Variants in KHDRBS2 observed in about 807,000 individuals in gnomAD.
KHDRBS2 encodes the protein KH RNA binding domain containing, signal transduction associated 2.
In KHDRBS2, 26 loss-of-function variants were observed where a neutral mutation model predicts 44.3. The ratio of observed to expected loss-of-function variants is 0.59; its 90% CI spans 0.43 to 0.81. The LOEUF (loss-of-function observed/expected upper bound fraction) is 0.81, where lower values mean the gene tolerates loss of function less well. Among genes scored for constraint, KHDRBS2 ranks in the 40% least tolerant of loss-of-function variants. The pLI is 0.00. For missense variants in KHDRBS2, 476 were observed against 433.1 expected, an observed-to-expected ratio of 1.10 and a Z score of -0.88; for synonymous variants, 194 against 151.1, an observed-to-expected ratio of 1.28 and a Z score of -2.08.
chr6:61,708,351 A>G (rs1180479854), intron 7 of KHDRBS2, among the ~76,000 whole-genome samples: 1 of 151,636 alleles, frequency 6.6e-6, no homozygotes, highest in African/African-American at 2.4e-5. Flanking sequence ...CATTTTGTGT[A>G]CTAAAAAATA....
the KHDRBS2 span, among the ~76,000 whole-genome samples, chr6:61,604,020 G>A: frequency 1.1e-4 from 17 of 152,248 alleles, no homozygotes; most frequent in East Asian, 1.7e-3. Flanking sequence ...TGAGGCTACC[G>A]CTCTGCCCCC....
downstream of KHDRBS2, among the ~76,000 whole-genome samples, chr6:61,675,066 A>T (rs1468896217): frequency 6.6e-6 from 1 of 151,760 alleles, no homozygotes; most frequent in Non-Finnish European, 1.5e-5. Context: ...TCTTCCAGCT[A>T]CTTTGAAATG....
At position 61,696,405 on chromosome 6, in the gene KHDRBS2, G is replaced by A. The variant is rs148283019; in HGVS notation, c.952+790C>T. Among the ~76,000 whole-genome samples the A allele has an allele frequency of 1.6e-3, 244 of 151,858 alleles. 1 individual carries two copies. In the East Asian group the frequency reaches 0.02, roughly 13 times the overall value. On this transcript the variant is annotated intron_variant, in intron 8 of 8. Transcript: ENST00000281156. ...CGAGTAGCTGAGATTACAGGCATGC[G>A]CCACAATGCCCAGCTAATTTGTTTT...
At chr6:61,894,936 T>A in intron 5 of KHDRBS2, 103 bp from the exon 6 acceptor site, 1 of 714,446 alleles carries the variant, frequency 1.4e-6, no homozygotes, top group Non-Finnish European at 2.4e-6. Flanking sequence ...ATGAAATAAA[T>A]ACAAATTTCT....
chr6:61,789,597 C>T (rs926531449), intron 6 of KHDRBS2, among the ~76,000 whole-genome samples: 3 of 151,376 alleles, frequency 2.0e-5, no homozygotes, highest in Non-Finnish European at 4.4e-5. Context: ...GTAAGGTATG[C>T]GTTTCAACAT....
chr6:62,242,306 T>A (rs1258762359), intron 1 of KHDRBS2, among the ~76,000 whole-genome samples: 1 of 152,192 alleles, frequency 6.6e-6, no homozygotes, highest in African/African-American at 2.4e-5. Flanking sequence ...TTATTCATTT[T>A]ACTTGATGAC....
chr6:61,885,745 T>A (rs1311169125), intron 6 of KHDRBS2, among the ~76,000 whole-genome samples: 1 of 152,030 alleles, frequency 6.6e-6, no homozygotes, highest in Non-Finnish European at 1.5e-5. Context: ...GCAGATAAAA[T>A]ACCTTACTTT....
chr6:62,027,976 T>C (rs1256314375), intron 3 of KHDRBS2, among the ~76,000 whole-genome samples: 5 of 152,124 alleles, frequency 3.3e-5, no homozygotes, highest in East Asian at 1.9e-4. Context: ...CTCCAGTTTG[T>C]AGCTAAGTCA....
the KHDRBS2 span, among the ~76,000 whole-genome samples, chr6:61,555,813 C>T: frequency 6.6e-6 from 1 of 152,158 alleles, no homozygotes; most frequent in Non-Finnish European, 1.5e-5. Flanking sequence ...CACTCCTGGG[C>T]TATATGCTTT....
intron 6 of KHDRBS2, among the ~76,000 whole-genome samples, chr6:61,868,996 T>G (rs1423516286): frequency 1.1e-4 from 17 of 152,138 alleles, no homozygotes; most frequent in Non-Finnish European, 1.2e-4. Flanking sequence ...GATCTCCTGA[T>G]CCGAGGGTTG....
intron 8 of KHDRBS2, among the ~76,000 whole-genome samples, chr6:61,685,581 G>C (rs1355271401): frequency 6.6e-6 from 1 of 151,760 alleles, no homozygotes; most frequent in African/African-American, 2.4e-5. Context: ...ATTTTACCCA[G>C]TGAATCAGGT....
intron 2 of KHDRBS2, among the ~76,000 whole-genome samples, chr6:62,162,592 T>C (rs1257208493): frequency 2.0e-5 from 3 of 152,128 alleles, no homozygotes; most frequent in Non-Finnish European, 4.4e-5. Flanking sequence ...GGCAATTTAC[T>C]ACTCATGGCT....
intron 7 of KHDRBS2, among the ~76,000 whole-genome samples, chr6:61,705,371 A>G (rs1769349608): frequency 6.6e-6 from 1 of 151,842 alleles, no homozygotes; most frequent in South Asian, 2.1e-4. Flanking sequence ...AAAAATAACC[A>G]TAAAAAATAT....
intron 2 of KHDRBS2, among the ~76,000 whole-genome samples, chr6:62,153,260 T>G (rs1416699423): frequency 1.3e-5 from 2 of 152,198 alleles, no homozygotes; most frequent in African/African-American, 4.8e-5. Flanking sequence ...AATCCTAATT[T>G]GCTTGTACAA....
rs142638311 is a variant in KHDRBS2, at chr6:61,711,951, G to A, written c.894-14698C>T. Among the ~76,000 whole-genome samples the A allele has an allele frequency of 1.5e-3, 235 of 151,774 alleles. 1 individual carries two copies. Among genetic ancestry groups the A allele is most frequent in the Admixed American group, 3.4e-3 (52 of 15,200 alleles). On this transcript the variant is annotated intron_variant, in intron 7 of 8. Coordinates refer to ENST00000281156, the MANE Select transcript of KHDRBS2 (RefSeq NM_152688.4). ...ACTTAGCTCATGTGCTTTTGGTTTC[G>A]CTGGAAGTTGGCTGATCTAGGCTGG... is the stretch of plus-strand genomic sequence containing the variant.
chr6:61,577,337 T>C, the KHDRBS2 span, among the ~76,000 whole-genome samples: 2 of 152,026 alleles, frequency 1.3e-5, no homozygotes. Context: ...TTGCACAAAG[T>C]ACTTGAGATC....
intron 6 of KHDRBS2, among the ~76,000 whole-genome samples, chr6:61,866,865 A>T (rs562729446): frequency 2.2e-4 from 34 of 152,298 alleles, no homozygotes; most frequent in Non-Finnish European, 4.1e-4. Flanking sequence ...CCAGTTTCCA[A>T]CAAGTTCCTA....
chr6:61,666,044 G>C, the KHDRBS2 span, among the ~76,000 whole-genome samples: 1 of 151,202 alleles, frequency 6.6e-6, no homozygotes, highest in Non-Finnish European at 1.5e-5. Context: ...TGAGAAGTGA[G>C]ATATGTGTTA....
chr6:62,146,171 G>A (rs1425024921), intron 2 of KHDRBS2, among the ~76,000 whole-genome samples: 1 of 151,722 alleles, frequency 6.6e-6, no homozygotes. Flanking sequence ...CTATTCTACT[G>A]AAAGGGCAAA....
Sources: allele counts gnomAD v4.1 joint callset (sites outside exome capture counted in the v4.1 genomes callset), GRCh38; gene constraint gnomAD v4.1.1; transcripts MANE v1.5; gene names NCBI Gene and HGNC (gene_info 2026-07-23, HGNC 2026-07-21).